Variants in MGAT4C observed in about 807,000 individuals in gnomAD.
MGAT4C encodes the protein alpha-1,3-mannosyl-glycoprotein 4-beta-N-acetylglucosaminyltransferase C.
In MGAT4C, 19 loss-of-function variants were observed where a neutral mutation model predicts 40.1. The observed-to-expected ratio is 0.47, with a 90% confidence interval of 0.33 to 0.70. The LOEUF (loss-of-function observed/expected upper bound fraction) is 0.70, where lower values mean the gene tolerates loss of function less well. Among genes scored for constraint, MGAT4C ranks in the 30% least tolerant of loss-of-function variants. The pLI is 0.02. For synonymous variants in MGAT4C, 181 were observed against 187.1 expected (o/e 0.97, Z 0.27); for missense variants, 491 against 563.2 (o/e 0.87, Z 1.30).
chr12:86,211,593 A>C (rs1215908372), intron 1 of MGAT4C, among the ~76,000 whole-genome samples: 2 of 151,614 alleles, frequency 1.3e-5, no homozygotes, highest in African/African-American at 4.9e-5. Context: ...TCTCAAAACA[A>C]ACAAACAAAC....
intron 1 of MGAT4C, among the ~76,000 whole-genome samples, chr12:86,834,158 A>G (rs1397512802): frequency 1.4e-5 from 2 of 140,034 alleles, no homozygotes; most frequent in Non-Finnish European, 3.1e-5. Context: ...AGATCTATCT[A>G]TAGATAGAGA....
chr12:86,665,757 C>G (rs1964090422), intron 2 of MGAT4C, among the ~76,000 whole-genome samples: 2 of 152,082 alleles, frequency 1.3e-5, no homozygotes, highest in African/African-American at 2.4e-5. Context: ...TGTTTGGAAT[C>G]ATAATGAGGA....
intron 2 of MGAT4C, among the ~76,000 whole-genome samples, chr12:86,693,676 G>T (rs551884103): frequency 6.6e-6 from 1 of 152,130 alleles, no homozygotes; most frequent in South Asian, 2.1e-4. Context: ...TAAGATTAAA[G>T]AAATATAATT....
At chr12:86,592,746 A>C (rs1428518899) in intron 2 of MGAT4C, among the ~76,000 whole-genome samples, 2 of 152,078 alleles carry the variant, frequency 1.3e-5, no homozygotes, top group African/African-American at 4.8e-5. Flanking sequence ...AGTTTAACTA[A>C]TCTCTCCATG....
At chr12:86,607,908 T>C (rs1005493943) in intron 2 of MGAT4C, among the ~76,000 whole-genome samples, 1 of 152,128 alleles carries the variant, frequency 6.6e-6, no homozygotes, top group Non-Finnish European at 1.5e-5. Flanking sequence ...ATTATTTGAT[T>C]GATTGATTAG....
intron 1 of MGAT4C, among the ~76,000 whole-genome samples, chr12:86,072,482 G>C (rs1305588757): frequency 6.6e-6 from 1 of 152,062 alleles, no homozygotes; most frequent in Admixed American, 6.6e-5. Flanking sequence ...ACATACATCT[G>C]TATGTATATT....
chr12:86,095,632 T>C (rs1382276842), intron 1 of MGAT4C, among the ~76,000 whole-genome samples: 3 of 146,982 alleles, frequency 2.0e-5, no homozygotes, highest in Non-Finnish European at 4.6e-5. Context: ...GAGAGGACTA[T>C]TTTCTTTTTT....
At chr12:86,540,599 G>C (rs1372969696) in intron 2 of MGAT4C, among the ~76,000 whole-genome samples, 1 of 152,130 alleles carries the variant, frequency 6.6e-6, no homozygotes, top group Non-Finnish European at 1.5e-5. Context: ...AGCTGGGCGT[G>C]GTGGCACGAG....
chr12:86,696,634 T>C (rs183348275), intron 2 of MGAT4C, among the ~76,000 whole-genome samples: 47 of 152,300 alleles, frequency 3.1e-4, no homozygotes, highest in Admixed American at 7.2e-4. Context: ...CAACAGGTTA[T>C]TTTAGTTTTT....
chr12:86,796,395 A>G lies in MGAT4C; in HGVS notation c.-262+42271T>C, dbSNP rs373680723. ...AAGCAAGGTTCATATTCTAAAGAAG[A>G]AAGTCTTGTCATTTTTGACAACATG... On this transcript the variant is annotated intron_variant, in intron 1 of 7. Transcript: ENST00000548651. Among the ~76,000 whole-genome samples the G allele has an allele frequency of 3.3e-5, 5 of 152,040 alleles. No homozygotes were observed. In the East Asian group the frequency reaches 7.7e-4, roughly 23 times the overall value.
chr12:86,613,911 T>C (rs1157215387), intron 2 of MGAT4C, among the ~76,000 whole-genome samples: 2 of 152,048 alleles, frequency 1.3e-5, no homozygotes, highest in Non-Finnish European at 2.9e-5. Context: ...ACATAGTTTA[T>C]ACATAAATTG....
At chr12:86,750,235 T>TTA (rs1565964050) in intron 1 of MGAT4C, among the ~76,000 whole-genome samples, 1 of 151,774 alleles carries the variant, frequency 6.6e-6, no homozygotes, top group African/African-American at 2.4e-5. Context: ...GCAAGGAAGG[T>TTA]TATAGCTCAG....
In MGAT4C at chr12:86,110,298, C is replaced by G. The variant is rs75284241; in HGVS notation, c.-56-60575G>C. On this transcript the variant is annotated intron_variant, in intron 1 of 4. Coordinates refer to ENST00000611864, the MANE Select transcript of MGAT4C (RefSeq NM_001351288.2). ...TATATAGTCTATATATATATAGTCTCTCTATATATATATATATATAGTCTC... is the reference window on the plus strand; with the variant it reads ...TATATAGTCTATATATATATAGTCTGTCTATATATATATATATATAGTCTC... 0.017 allele frequency among the ~76,000 whole-genome samples: 270 copies of G among 15,672 alleles called. 57 individuals carry two copies. The East Asian group carries it at 0.18, about 10-fold the overall frequency. 10.3% of individuals were successfully genotyped at this position (15,672 alleles called of 152,430 possible).
intron 3 of MGAT4C, among the ~76,000 whole-genome samples, chr12:85,988,742 C>T (rs192757357): frequency 1.3e-4 from 20 of 151,804 alleles, no homozygotes; most frequent in Middle Eastern, 3.6e-3. Context: ...TCAGAATAAG[C>T]GCTTTTGCAT....
At chr12:86,613,433 T>C (rs1311343811) in intron 2 of MGAT4C, among the ~76,000 whole-genome samples, 1 of 152,192 alleles carries the variant, frequency 6.6e-6, no homozygotes, top group East Asian at 1.9e-4. Context: ...GTATTGGGAC[T>C]TAATTAGTCA....
chr12:86,502,630 T>C (rs1282715821), intron 2 of MGAT4C, among the ~76,000 whole-genome samples: 1 of 131,424 alleles, frequency 7.6e-6, no homozygotes. Context: ...TATATATATA[T>C]GATTTCTGCT....
chr12:86,433,137 G>T (rs1361301759), intron 3 of MGAT4C, among the ~76,000 whole-genome samples: 2 of 152,050 alleles, frequency 1.3e-5, no homozygotes, highest in East Asian at 3.9e-4. Flanking sequence ...AAACTCATCA[G>T]GGGGGCAGAG....
At chr12:86,067,648 T>C (rs1565934840) in intron 1 of MGAT4C, among the ~76,000 whole-genome samples, 2 of 152,070 alleles carry the variant, frequency 1.3e-5, no homozygotes. Flanking sequence ...ATGGCACTTG[T>C]ATACCTATGT....
chr12:86,398,926 C>A (rs1012923855), intron 3 of MGAT4C, among the ~76,000 whole-genome samples: 4 of 151,950 alleles, frequency 2.6e-5, no homozygotes, highest in Admixed American at 1.3e-4. Flanking sequence ...GCTGTCCAGG[C>A]CAGGTATTAG....
Sources: allele counts gnomAD v4.1 joint callset (sites outside exome capture counted in the v4.1 genomes callset), GRCh38; gene constraint gnomAD v4.1.1; transcripts MANE v1.5; gene names NCBI Gene and HGNC (gene_info 2026-07-23, HGNC 2026-07-21).